The following FAM117A variants were observed in gnomAD, a reference collection of about 807,000 sequenced individuals.
FAM117A encodes the protein protein FAM117A.
Under a neutral mutation model 44.1 loss-of-function variants are expected in FAM117A, and 21 were observed. That is an observed-to-expected ratio of 0.48 (90% CI 0.34 to 0.69). The LOEUF (loss-of-function observed/expected upper bound fraction) is 0.69. Ranked by LOEUF, FAM117A falls within the 30% of genes least tolerant of loss-of-function variation. The pLI is 0.01. For synonymous variants in FAM117A, 220 were observed against 238.3 expected, an observed-to-expected ratio of 0.92 and a Z score of 0.71; for missense variants, 498 against 589.9, an observed-to-expected ratio of 0.84 and a Z score of 1.61.
intron 1 of FAM117A, among the ~76,000 whole-genome samples, chr17:49,778,775 C>G (rs1387069081): frequency 6.6e-6 from 1 of 152,200 alleles, no homozygotes; most frequent in Non-Finnish European, 1.5e-5. Context: ...GGACACTGCC[C>G]TCATGGAACT....
upstream of FAM117A, among the ~76,000 whole-genome samples, chr17:49,768,546 A>G (rs2073751813): frequency 6.6e-6 from 1 of 152,168 alleles, no homozygotes; most frequent in African/African-American, 2.4e-5. Flanking sequence ...GATGACGCAG[A>G]TACACTGTGT....
rs1167215497 is a variant in FAM117A, at chr17:49,749,575, C to CAA, written c.196+14315_196+14316dup. On this transcript the variant is annotated intron_variant, in intron 1 of 7. Coordinates refer to ENST00000240364, the MANE Select transcript of FAM117A (RefSeq NM_030802.4). ...CTGGTGACAGAGCAAGACTCCGTCTCAAAAAAAAAAAAAAAAAAAAAAAAT... is the reference window on the plus strand; with the variant it reads ...CTGGTGACAGAGCAAGACTCCGTCTCAAAAAAAAAAAAAAAAAAAAAAAAAAT... Among the ~76,000 whole-genome samples the CAA allele has an allele frequency of 3.3e-3, 150 of 45,330 alleles. 2 individuals carry two copies. The highest frequency in any genetic ancestry group is 0.014 in the Middle Eastern group (1 of 74). 29.7% of individuals were successfully genotyped at this position (45,330 alleles called of 152,430 possible). A position where few individuals can be genotyped will look rare whatever the true frequency, so the allele number is the denominator to read the frequency against.
At chr17:49,789,051 C>T (rs1330908746), upstream of FAM117A, 3 of 431,810 alleles carry the variant, frequency 6.9e-6, no homozygotes, top group East Asian at 3.6e-5. Flanking sequence ...ACTATTCCCG[C>T]CCTCTGCTTG....
At chr17:49,751,213 G>T (rs186041602) in intron 1 of FAM117A, among the ~76,000 whole-genome samples, 491 of 148,948 alleles carry the variant, frequency 3.3e-3, no homozygotes, top group Non-Finnish European at 5.6e-3. Context: ...CCAGGAGGCG[G>T]AAGTTGCAGT....
intron 1 of FAM117A, among the ~76,000 whole-genome samples, chr17:49,763,182 G>A (rs2073729408): frequency 6.6e-6 from 1 of 151,450 alleles, no homozygotes; most frequent in Non-Finnish European, 1.5e-5. Flanking sequence ...ACAAACGATG[G>A]TTGGAATGAG....
intron 1 of FAM117A, among the ~76,000 whole-genome samples, chr17:49,778,427 T>C (rs1441436889): frequency 6.6e-6 from 1 of 152,238 alleles, no homozygotes; most frequent in African/African-American, 2.4e-5. Context: ...CAAATCTGCA[T>C]GTATCTCCTT....
chr17:49,764,098 G>C lies in FAM117A; in HGVS notation c.-11C>G, dbSNP rs2073735500. ...TGCGGCCCCCGCCATGGCTCTCCCG[G>C]CTGCCTGCCTCAGCCCCACTGCGAG... On this transcript the variant is annotated 5_prime_UTR_variant, in exon 1 of 8. Coordinates refer to ENST00000240364, the MANE Select transcript of FAM117A (RefSeq NM_030802.4). 18 of 1,256,650 alleles carry C rather than the reference G, an allele frequency of 1.4e-5. No individual in the cohort carries two copies. The South Asian group carries it at 1.9e-4, about 14-fold the overall frequency. The allele number at this position is 1,256,650 out of a possible 1,614,324, so 77.8% of individuals were successfully genotyped here. A position where few individuals can be genotyped will look rare whatever the true frequency, so the allele number is the denominator to read the frequency against.
intron 1 of FAM117A, among the ~76,000 whole-genome samples, chr17:49,756,556 C>G (rs1395053230): frequency 6.7e-6 from 1 of 150,108 alleles, no homozygotes; most frequent in Non-Finnish European, 1.5e-5. Flanking sequence ...CTATAGTGAG[C>G]TATGATGGCA....
At chr17:49,736,273 T>C (rs1052940273) in intron 1 of FAM117A, among the ~76,000 whole-genome samples, 3 of 152,050 alleles carry the variant, frequency 2.0e-5, no homozygotes, top group East Asian at 1.9e-4. Context: ...TTTTTTTTTT[T>C]TGAGACGGAG....
At position 49,749,450 on chromosome 17, in the gene FAM117A, G is replaced by A. The variant is rs2898891; in HGVS notation, c.196+14442C>T. ...AAATTAGCCGGGCATGGTGGCACGC[G>A]CCTGTAGTCCCAGCTACTCGAGAGG... is the stretch of plus-strand genomic sequence containing the variant. On this transcript the variant is annotated intron_variant, in intron 1 of 7. Transcript: ENST00000240364. Among the ~76,000 whole-genome samples, 363 of 151,240 alleles carry A rather than the reference G, an allele frequency of 2.4e-3. 11 individuals carry two copies. The highest frequency in any genetic ancestry group is 0.019 in the Admixed American group (288 of 15,154).
intron 1 of FAM117A, among the ~76,000 whole-genome samples, chr17:49,757,212 G>A (rs1442565853): frequency 6.6e-6 from 1 of 152,064 alleles, no homozygotes; most frequent in East Asian, 1.9e-4. Flanking sequence ...AGCAACTCTC[G>A]GGGGCTCCTG....
intron 1 of FAM117A, among the ~76,000 whole-genome samples, chr17:49,781,543 T>C (rs778526685): frequency 3.9e-5 from 6 of 152,142 alleles, no homozygotes; most frequent in Non-Finnish European, 8.8e-5. Context: ...TTATCTGACA[T>C]AAAAGAGCTT....
chr17:49,728,358 A>C (rs990089435), intron 2 of FAM117A, among the ~76,000 whole-genome samples: 2 of 151,642 alleles, frequency 1.3e-5, no homozygotes, highest in African/African-American at 4.8e-5. Flanking sequence ...GAGCATGCCC[A>C]CCTTCACCTC....
At chr17:49,737,182 G>A (rs2073614262) in intron 1 of FAM117A, among the ~76,000 whole-genome samples, 1 of 152,160 alleles carries the variant, frequency 6.6e-6, no homozygotes, top group African/African-American at 2.4e-5. Flanking sequence ...GTAAGTTGGT[G>A]ACAGGCACAC....
At chr17:49,783,037 G>A (rs1393333299) in intron 1 of FAM117A, among the ~76,000 whole-genome samples, 1 of 152,166 alleles carries the variant, frequency 6.6e-6, no homozygotes, top group Non-Finnish European at 1.5e-5. Flanking sequence ...AGAGCAATTT[G>A]GTTTTGCTGG....
In FAM117A at chr17:49,764,066, C is replaced by T. The variant is rs1158355823; in HGVS notation, c.22G>A (p.Gly8Ser). The T allele has an allele frequency of 1.1e-5, 14 of 1,260,144 alleles. No homozygotes were observed. Among genetic ancestry groups the T allele is most frequent in the Non-Finnish European group, 1.4e-5 (14 of 1,000,944 alleles). The allele number at this position is 1,260,144 out of a possible 1,614,324, so 78.1% of individuals were successfully genotyped here. ...GGCCCCCAGGCACCTCCGCCTCTGC[C>T]GCCCGCTGCGGCCCCCGCCATGGCT... MAGAAAG[G>S]RGGGAWGPGR... The change falls in exon 1 of 8, where the codon GGC becomes AGC. Residue 8 changes from glycine to serine, a missense_variant. This residue lies in a region of FAM117A where 270 missense variants were observed against 277.4 expected (regional missense o/e 0.97). Transcript: ENST00000240364.
At chr17:49,745,013 C>CAA (rs34358343) in intron 1 of FAM117A, among the ~76,000 whole-genome samples, 5,457 of 70,974 alleles carry the variant, frequency 0.077, 283 homozygotes, top group African/African-American at 0.16. Flanking sequence ...GACTCTGTCT[C>CAA]AAAAAAAAAA....
At chr17:49,720,035 A>G (rs1435934414) in intron 4 of FAM117A, 141 bp from the exon 5 acceptor site, 16 of 1,208,654 alleles carry the variant, frequency 1.3e-5, no homozygotes, top group South Asian at 1.6e-5. Context: ...ACAGATTGCA[A>G]TAGGTCCACT....
intron 1 of FAM117A, among the ~76,000 whole-genome samples, chr17:49,773,168 G>T (rs1419544229): frequency 1.3e-5 from 2 of 152,176 alleles, no homozygotes; most frequent in Non-Finnish European, 2.9e-5. Flanking sequence ...AGCCAGGCGT[G>T]GTGGTGGGCG....
Sources: gnomAD v4.1 joint callset for allele counts (sites outside exome capture counted in the v4.1 genomes callset) on GRCh38, gnomAD v4.1.1 for gene constraint, gnomAD v4.1.1 regional missense constraint, MANE v1.5 for transcripts, NCBI Gene and HGNC (gene_info 2026-07-23, HGNC 2026-07-21) for gene names.